The following NDUFAF6 variants were observed in gnomAD, a reference collection of about 807,000 sequenced individuals.
NDUFAF6 encodes the protein NADH:ubiquinone oxidoreductase complex assembly factor 6, also known as NADH dehydrogenase (ubiquinone) complex I, assembly factor 6.
In NDUFAF6, 45 loss-of-function variants were observed where a neutral mutation model predicts 40.8. The observed-to-expected ratio is 1.10, with a 90% CI of 0.87 to 1.42. The LOEUF is 1.42. NDUFAF6 is among the 40% of genes most tolerant of loss of function. NDUFAF6 has a pLI of 0.00. For synonymous variants in NDUFAF6, 185 were observed against 155.9 expected (o/e 1.19, Z -1.39); for missense variants, 435 against 418.5 (o/e 1.04, Z -0.34).
At chr8:95,048,650 G>A in intron 7 of NDUFAF6, 92 bp downstream of exon 7, 2 of 925,162 alleles carry the variant, frequency 2.2e-6, no homozygotes, top group Non-Finnish European at 3.5e-6. Context: ...TCCCAACTTG[G>A]CAGTCTTTTT....
intron 1 of NDUFAF6, chr8:94,928,799 C>T (rs1205247769): frequency 1.3e-5 from 2 of 152,254 alleles, no homozygotes; most frequent in African/African-American, 4.8e-5. Context: ...TGCATCAAGC[C>T]ACTACAGGGT....
chr8:95,089,919 A>C (rs1454603245), intron 2 of NDUFAF6, among the ~76,000 whole-genome samples: 3 of 152,062 alleles, frequency 2.0e-5, no homozygotes, highest in African/African-American at 7.2e-5. Flanking sequence ...CACTTACCTC[A>C]CTATTATGGG....
chr8:95,038,265 T>G (rs1489713375), intron 3 of NDUFAF6, among the ~76,000 whole-genome samples: 1 of 152,222 alleles, frequency 6.6e-6, no homozygotes, highest in Admixed American at 6.5e-5. Context: ...CCTTCTCCTA[T>G]TCCCCCATAT....
chr8:95,005,462 T>C (rs1193326608), intron 2 of NDUFAF6, among the ~76,000 whole-genome samples: 1 of 148,680 alleles, frequency 6.7e-6, no homozygotes, highest in Non-Finnish European at 1.5e-5. Context: ...TGTGCCATCA[T>C]TATTCAACAG....
At chr8:94,962,881 C>T (rs1000487123) in intron 1 of NDUFAF6, among the ~76,000 whole-genome samples, 1 of 150,846 alleles carries the variant, frequency 6.6e-6, no homozygotes, top group Non-Finnish European at 1.5e-5. Flanking sequence ...ACCTTAGCTT[C>T]CTGGGTTCAA....
downstream of NDUFAF6, among the ~76,000 whole-genome samples, chr8:95,077,203 C>T (rs1808658824): frequency 6.6e-6 from 1 of 152,122 alleles, no homozygotes; most frequent in African/African-American, 2.4e-5. Context: ...TTTAGACTAC[C>T]CAGCCTGTGG....
chr8:95,102,440 A>G (rs980115067), intron 2 of NDUFAF6, among the ~76,000 whole-genome samples: 8 of 152,254 alleles, frequency 5.3e-5, no homozygotes, highest in Admixed American at 3.3e-4. Context: ...CACCTAAGGA[A>G]GAATCTGCTA....
chr8:95,045,975 C>A (rs1336429878), intron 5 of NDUFAF6, among the ~76,000 whole-genome samples: 1 of 152,006 alleles, frequency 6.6e-6, no homozygotes, highest in East Asian at 1.9e-4. Context: ...CCTGACTCTT[C>A]CTTTCGTGTT....
At chr8:95,049,403 A>G (rs1370927981) in intron 7 of NDUFAF6, among the ~76,000 whole-genome samples, 1 of 152,092 alleles carries the variant, frequency 6.6e-6, no homozygotes, top group Non-Finnish European at 1.5e-5. Flanking sequence ...ACTGTTGACT[A>G]TACACCTCTT....
chr8:94,941,129 G>A lies in NDUFAF6; in HGVS notation c.-935-4354G>A, dbSNP rs535702702. The A allele has an allele frequency of 1.2e-5, 7 of 577,562 alleles. No individual in the cohort carries two copies. In the South Asian group the frequency reaches 1.3e-4, roughly 11 times the overall value. The allele number at this position is 577,562 out of a possible 1,614,324, so 35.8% of individuals were successfully genotyped here. ...AGAAAAAGGAAGTTATTTCAAATCA[G>A]CATGCACATATATACATAAGTACAT... is the stretch of plus-strand genomic sequence containing the variant. On this transcript the variant is annotated intron_variant, in intron 1 of 14. Coordinates refer to the NDUFAF6 transcript ENST00000396113.
chr8:95,111,845 A>G (rs1204131154), intron 4 of NDUFAF6, among the ~76,000 whole-genome samples: 1 of 152,206 alleles, frequency 6.6e-6, no homozygotes, highest in Non-Finnish European at 1.5e-5. Flanking sequence ...CATACAAATG[A>G]CCATATATTA....
chr8:95,041,844 A>T (rs973387406), intron 4 of NDUFAF6, among the ~76,000 whole-genome samples: 1 of 152,148 alleles, frequency 6.6e-6, no homozygotes, highest in Non-Finnish European at 1.5e-5. Context: ...TGTATGCACA[A>T]CCACACTCCA....
chr8:95,017,001 A>G (rs1827482734), intron 2 of NDUFAF6, among the ~76,000 whole-genome samples: 1 of 141,714 alleles, frequency 7.1e-6, no homozygotes, highest in Non-Finnish European at 1.5e-5. Context: ...CAGCACAATC[A>G]TGGCTCACTG....
intron 9 of NDUFAF6, chr8:95,066,763 G>T (rs562356664): frequency 6.6e-6 from 1 of 152,348 alleles, no homozygotes; most frequent in African/African-American, 2.4e-5. Context: ...CACACTGCAA[G>T]TTAGCACGCT....
intron 1 of NDUFAF6, among the ~76,000 whole-genome samples, chr8:94,898,625 C>CT (rs1230254524): frequency 6.6e-6 from 1 of 152,164 alleles, no homozygotes; most frequent in East Asian, 1.9e-4. Flanking sequence ...TAAAATTACT[C>CT]TTTTTCCTCC....
At chr8:94,904,320 CTTTTTTT>C (rs57749627) in intron 1 of NDUFAF6, among the ~76,000 whole-genome samples, 100 of 34,108 alleles carry the variant, frequency 2.9e-3, no homozygotes, top group East Asian at 3.7e-3. Flanking sequence ...ATTTTTTTTG[CTTTTTTT>C]TTTTTTTTTT....
chr8:95,057,526 A>G (rs1314489194), intron 8 of NDUFAF6, among the ~76,000 whole-genome samples: 1 of 152,188 alleles, frequency 6.6e-6, no homozygotes, highest in Non-Finnish European at 1.5e-5. Context: ...GGCCAGGCAA[A>G]CGTGATTTTG....
intron 2 of NDUFAF6, among the ~76,000 whole-genome samples, chr8:95,014,683 A>G (rs1827367170): frequency 6.6e-6 from 1 of 152,212 alleles, no homozygotes; most frequent in Non-Finnish European, 1.5e-5. Context: ...AAACTCTCCT[A>G]AGCAAGGGAA....
intron 8 of NDUFAF6, 82 bp downstream of exon 8, chr8:95,052,312 T>A: frequency 1.4e-6 from 2 of 1,439,698 alleles, no homozygotes; most frequent in Non-Finnish European, 2.0e-6. Flanking sequence ...AAGTTCCCAA[T>A]GAACTTCTTT....
Sources: allele counts gnomAD v4.1 joint callset (sites outside exome capture counted in the v4.1 genomes callset), GRCh38; gene constraint gnomAD v4.1.1; transcripts MANE v1.5; gene names NCBI Gene and HGNC (gene_info 2026-07-23, HGNC 2026-07-21).